Variants in NDOR1 observed in about 807,000 individuals in gnomAD.
The protein encoded by NDOR1 is NADPH-dependent diflavin oxidoreductase 1.
In NDOR1, 61 loss-of-function variants were observed where a neutral mutation model predicts 67.2. The observed-to-expected ratio is 0.91, with a 90% CI of 0.74 to 1.12. The LOEUF is 1.12. Among genes scored for constraint, NDOR1 ranks in the 50% most tolerant of loss-of-function variants. NDOR1 has a pLI of 0.00. For missense variants in NDOR1, 878 were observed against 802.8 expected (o/e 1.09, Z -1.13); for synonymous variants, 378 against 343.7 (o/e 1.10, Z -1.10).
At position 137,205,851 on chromosome 9, in the gene NDOR1, G is replaced by T. The variant is rs751502383; in HGVS notation, c.74G>T (p.Gly25Val). 6.2e-7 allele frequency: 1 copy of T among 1,603,148 alleles called. No individual in the cohort carries two copies. Among genetic ancestry groups the T allele is most frequent in the Non-Finnish European group, 8.5e-7 (1 of 1,178,846 alleles). ...GCTCAGGATGTGTCGGAGAGACTGG[G>T]TCGCGAGGCCCGGCGCCGGCGGCTT... The part of the protein sequence containing the change: ...GTAQDVSERL[G>V]REARRRRLGC... The change falls in exon 1 of 14, where the codon GGT becomes GTT. Residue 25 changes from glycine (G) to valine (V), a missense_variant. Transcript: ENST00000684003.
intron 2 of NDOR1, among the ~76,000 whole-genome samples, chr9:137,210,454 C>G (rs554653173): frequency 6.6e-6 from 1 of 151,712 alleles, no homozygotes; most frequent in East Asian, 1.9e-4. Flanking sequence ...AAGCAGTCTG[C>G]CTGCCTCATC....
chr9:137,208,363 A>G (rs889061506), intron 2 of NDOR1, among the ~76,000 whole-genome samples: 31 of 151,974 alleles, frequency 2.0e-4, no homozygotes, highest in Non-Finnish European at 3.7e-4. Context: ...AGGCAGGAGA[A>G]TGGCGTGAAC....
chr9:137,214,844 C>G lies in NDOR1; in HGVS notation c.891C>G (p.His297Gln). The G allele has an allele frequency of 1.2e-6, 2 of 1,609,130 alleles. No individual in the cohort carries two copies. Among genetic ancestry groups the G allele is most frequent in the Non-Finnish European group, 1.7e-6 (2 of 1,180,012 alleles). Residue 297 changes from histidine to glutamine, a missense_variant, in exon 8 of 14, where the codon CAC becomes CAG. Coordinates refer to ENST00000684003, the MANE Select transcript of NDOR1 (RefSeq NM_014434.4). ...TRLPQPCSMR[H>Q]LVSHYLDIAS... is the part of the protein sequence containing the mutation. ...TGCCCCAGCCCTGCTCCATGCGGCA[C>G]CTCGTGTCCCACTACCTGGACATCG...
chr9:137,216,306 G>T lies in NDOR1; in HGVS notation c.1684G>T (p.Ala562Ser). Residue 562 changes from alanine (A) to serine (S), a missense_variant, in exon 14 of 14, where the codon GCC becomes TCC. Physicochemically the swap from Ala to Ser is moderately conservative, Grantham distance 99 (BLOSUM62 1). Coordinates refer to ENST00000684003, the MANE Select transcript of NDOR1 (RefSeq NM_014434.4). The part of the protein sequence containing the change: ...AKSMPADVSE[A>S]LMSIFQEEGG... ...GTCCATGCCAGCGGACGTCTCGGAA[G>T]CCCTGATGTCCATCTTCCAGGAGGA... 5 of 1,612,334 alleles carry T rather than the reference G, an allele frequency of 3.1e-6. No homozygotes were observed. The highest frequency in any genetic ancestry group is 4.2e-6 in the Non-Finnish European group (5 of 1,179,994).
At chr9:137,208,468 A>G (rs938309663) in intron 2 of NDOR1, among the ~76,000 whole-genome samples, 1 of 151,708 alleles carries the variant, frequency 6.6e-6, no homozygotes, top group Non-Finnish European at 1.5e-5. Flanking sequence ...AAAAAAAGAC[A>G]AAAAACAAAA....
chr9:137,209,036 C>G (rs549227453), intron 2 of NDOR1, among the ~76,000 whole-genome samples: 2 of 151,976 alleles, frequency 1.3e-5, no homozygotes, highest in Non-Finnish European at 2.9e-5. Flanking sequence ...GCCGCCACCA[C>G]GCCCAGCTAA....
rs1193840869 is a variant in NDOR1 at position 137,218,266 on chromosome 9, G to A, written c.*1850G>A. The A allele has an allele frequency of 7.5e-6, 3 of 398,230 alleles. No homozygotes were observed. The highest frequency in any genetic ancestry group is 1.3e-5 in the Non-Finnish European group (3 of 225,852). 24.7% of individuals were successfully genotyped at this position (398,230 alleles called of 1,614,324 possible). On this transcript the variant is annotated 3_prime_UTR_variant, in exon 14 of 14. Coordinates refer to ENST00000684003, the MANE Select transcript of NDOR1 (RefSeq NM_014434.4). ...TGGAATGGGAGATCTGCCGGCTACA[G>A]GAGGAGCTGCTACAGGCCGACGGGC... is the stretch of plus-strand genomic sequence containing the variant.
Position 137,216,121 on chromosome 9 carries a change from C to T in NDOR1, c.1582C>T (p.Leu528Phe). The change falls in exon 13 of 14, where the codon CTC (leucine) becomes TTC (phenylalanine). Residue 528 changes from leucine (L) to phenylalanine (F), a missense_variant. Leu to Phe is a conservative substitution (Grantham distance 22). Coordinates refer to ENST00000684003, the MANE Select transcript of NDOR1 (RefSeq NM_014434.4). ...GCAGAAAGTATATGTGCAGCACCGGCTCCGGGAGCTGGGGTCGCTTGTGTG... is the reference window on the plus strand; with the variant it reads ...GCAGAAAGTATATGTGCAGCACCGGTTCCGGGAGCTGGGGTCGCTTGTGTG... Reference protein sequence around the residue: ...QEQKVYVQHRLRELGSLVWEL... With the variant: ...QEQKVYVQHRFRELGSLVWEL... The T allele has an allele frequency of 1.9e-6, 3 of 1,613,580 alleles. No homozygotes were observed. Among genetic ancestry groups the T allele is most frequent in the Non-Finnish European group, 2.5e-6 (3 of 1,180,024 alleles).
In NDOR1 at chr9:137,218,749, A is replaced by T. The variant is rs1171580344; in HGVS notation, c.*2333A>T. 2.5e-6 allele frequency: 1 copy of T among 397,080 alleles called. No individual in the cohort carries two copies. The highest frequency in any genetic ancestry group is 4.4e-6 in the Non-Finnish European group (1 of 225,634). 24.6% of individuals were successfully genotyped at this position (397,080 alleles called of 1,614,324 possible). ...CAGTGGCCTTCAATCAAGACCTCCC[A>T]TTGCTGAACCCACAACCAGGGCTAC... On this transcript the variant is annotated 3_prime_UTR_variant, in exon 14 of 14. Transcript: ENST00000684003.
At chr9:137,209,073 G>A (rs1835121050) in intron 2 of NDOR1, among the ~76,000 whole-genome samples, 1 of 152,052 alleles carries the variant, frequency 6.6e-6, no homozygotes, top group East Asian at 1.9e-4. Flanking sequence ...AGTAGAGATC[G>A]GGTTTCACCG....
intron 1 of NDOR1, 110 bp downstream of exon 1, chr9:137,206,022 C>A: frequency 6.7e-7 from 1 of 1,486,370 alleles, no homozygotes; most frequent in Non-Finnish European, 8.9e-7. Flanking sequence ...CGGGTCTTTC[C>A]CTTATGGCGG....
At position 137,217,751 on chromosome 9, in the gene NDOR1, G is replaced by A. The variant is rs1023658922; in HGVS notation, c.*1335G>A. 3.9e-5 allele frequency: 15 copies of A among 385,864 alleles called. No homozygotes were observed. The highest frequency in any genetic ancestry group is 1.4e-4 in the Admixed American group (3 of 22,170). The allele number at this position is 385,864 out of a possible 1,614,324, so 23.9% of individuals were successfully genotyped here. ...TTCCCTGAGGGCCGCCCCTGTCGCC[G>A]CCCTGGGGTCCCTGTCCTCCTATCC... On this transcript the variant is annotated 3_prime_UTR_variant, in exon 14 of 14. Transcript: ENST00000684003.
Position 137,205,757 on chromosome 9 carries a change from C to T in NDOR1, c.-21C>T, listed in dbSNP as rs201994572. 22 of 1,601,780 alleles carry T rather than the reference C, an allele frequency of 1.4e-5. No homozygotes were observed. The East Asian group carries it at 4.9e-4, about 36-fold the overall frequency. ...TGCCTTCTAGTTTTTAGTCTCAGAC[C>T]AGACCACCGGGCGCACCCCGATGCC... On this transcript the variant is annotated 5_prime_UTR_variant, in exon 1 of 14. Coordinates refer to ENST00000684003, the MANE Select transcript of NDOR1 (RefSeq NM_014434.4).
chr9:137,217,055 C>T lies in NDOR1; in HGVS notation c.*639C>T. On this transcript the variant is annotated 3_prime_UTR_variant, in exon 14 of 14. Coordinates refer to ENST00000684003, the MANE Select transcript of NDOR1 (RefSeq NM_014434.4). ...CCTTCCTCTAGCTCCTCCCGGTGCC[C>T]TGGGTGCTGGGTGCTGGATGGATGG... 5.5e-6 allele frequency: 1 copy of T among 182,588 alleles called. No individual in the cohort carries two copies. The highest frequency in any genetic ancestry group is 1.1e-5 in the Non-Finnish European group (1 of 87,316). The allele number at this position is 182,588 out of a possible 1,614,324, so 11.3% of individuals were successfully genotyped here. A position where few individuals can be genotyped will look rare whatever the true frequency, so the allele number is the denominator to read the frequency against.
At chr9:137,208,136 A>T (rs1835061614) in intron 2 of NDOR1, among the ~76,000 whole-genome samples, 1 of 114,120 alleles carries the variant, frequency 8.8e-6, no homozygotes, top group African/African-American at 3.5e-5. Context: ...ACAGAGCTAG[A>T]CTCTGTCAAA....
chr9:137,206,334 T>G, intron 2 of NDOR1, 25 bp downstream of exon 2: 1 of 1,612,424 alleles, frequency 6.2e-7, no homozygotes, highest in African/African-American at 1.3e-5. Flanking sequence ...ATGTGGCTCC[T>G]CAGATCCCTG....
In NDOR1 at chr9:137,212,777, G is replaced by A. The variant is rs1588802585; in HGVS notation, c.311+178G>A. On this transcript the variant is annotated intron_variant, in intron 3 of 13. Coordinates refer to ENST00000684003, the MANE Select transcript of NDOR1 (RefSeq NM_014434.4). This position sits in a 1 kb window ranked among gnomAD's most constrained non-coding sequence, Gnocchi z 4.3. Reference sequence around the variant, plus strand: ...TGGGCACCCCAGGCTTCACGCTGCGGGGAGGGCACAGAGGGGAGCAGGCAG... The same window carrying A: ...TGGGCACCCCAGGCTTCACGCTGCGAGGAGGGCACAGAGGGGAGCAGGCAG... 1.6e-6 allele frequency: 1 copy of A among 618,422 alleles called. No individual in the cohort carries two copies. The allele number at this position is 618,422 out of a possible 1,614,324, so 38.3% of individuals were successfully genotyped here.
Position 137,218,540 on chromosome 9 carries a change from G to T in NDOR1, c.*2124G>T, listed in dbSNP as rs1322675600. 3 of 401,222 alleles carry T rather than the reference G, an allele frequency of 7.5e-6. No individual in the cohort carries two copies. The highest frequency in any genetic ancestry group is 8.8e-6 in the Non-Finnish European group (2 of 228,330). The allele number at this position is 401,222 out of a possible 1,614,324, so 24.9% of individuals were successfully genotyped here. On this transcript the variant is annotated 3_prime_UTR_variant, in exon 14 of 14. Coordinates refer to ENST00000684003, the MANE Select transcript of NDOR1 (RefSeq NM_014434.4). ...CCTTGAGCTTCTGGGGCTGCTGCTG[G>T]TCTTCACGCCGCTCCTGCTGCTGGG...
Position 137,216,665 on chromosome 9 carries a change from G to A in NDOR1, c.*249G>A, listed in dbSNP as rs1007607027. ...CACCCTGACAGTGAGCTGTGTCCTC[G>A]TCCCCCCACCCCCTTCCCAGTCAAG... On this transcript the variant is annotated 3_prime_UTR_variant, in exon 14 of 14. Coordinates refer to ENST00000684003, the MANE Select transcript of NDOR1 (RefSeq NM_014434.4). 3.6e-5 allele frequency: 20 copies of A among 553,526 alleles called. No homozygotes were observed. The highest frequency in any genetic ancestry group is 5.7e-5 in the African/African-American group (3 of 52,798). The allele number at this position is 553,526 out of a possible 1,614,324, so 34.3% of individuals were successfully genotyped here.
Sources: gnomAD v4.1 joint callset for allele counts (sites outside exome capture counted in the v4.1 genomes callset) on GRCh38, gnomAD v4.1.1 for gene constraint, Gnocchi (gnomAD v3.1) non-coding constraint, MANE v1.5 for transcripts, NCBI Gene and HGNC (gene_info 2026-07-23, HGNC 2026-07-21) for gene names.